Variants in MTCH1 observed in about 807,000 individuals in gnomAD.
The protein encoded by MTCH1 is mitochondrial carrier homolog 1.
MTCH1 carries 23 observed loss-of-function variants against 49.3 expected under a neutral mutation model. That is an observed-to-expected ratio of 0.47 (90% CI 0.34 to 0.66). The LOEUF is 0.66. Among genes scored for constraint, MTCH1 ranks in the 30% least tolerant of loss-of-function variants. The probability of loss-of-function intolerance (pLI) is 0.01; values close to 1 mark genes in which losing one functional copy is unlikely to be tolerated. For missense variants in MTCH1, 397 were observed against 532.1 expected (o/e 0.75, Z 2.50); for synonymous variants, 229 against 215.2 (o/e 1.06, Z -0.56).
At chr6:36,980,366 A>C (rs1461422680) in intron 2 of MTCH1, among the ~76,000 whole-genome samples, 2 of 152,234 alleles carry the variant, frequency 1.3e-5, no homozygotes, top group South Asian at 2.1e-4. Flanking sequence ...CCAGATCCAG[A>C]AAAAGCCCCG....
Position 36,972,682 on chromosome 6 carries a change from C to G in MTCH1, c.876G>C (p.Gly292=). Residue 292 remains glycine (G), a synonymous_variant, in exon 8 of 12, where the codon GGG becomes GGC. Coordinates refer to ENST00000373627, the MANE Select transcript of MTCH1 (RefSeq NM_001271641.2). The surrounding 1 kb of genome is among the most constrained non-coding windows in gnomAD (Gnocchi z 4.1). The stretch of plus-strand genomic sequence containing the variant: ...AACCTGGATTCTGGTCGTTTCCCAG[C>G]CCCCCTGGGGTGTCACTCACGCTGT... ...VDDSVSDTPG[G]LGNDQNPGSQ... is the part of the protein sequence containing the mutation. 1 of 1,550,972 alleles carries G rather than the reference C, an allele frequency of 6.4e-7. No individual in the cohort carries two copies. The highest frequency in any genetic ancestry group is 8.7e-7 in the Non-Finnish European group (1 of 1,146,462).
rs745972175 is a variant in MTCH1, at chr6:36,970,095, G to T, written c.1042C>A (p.Pro348Thr). Reference protein sequence around the residue: ...NNCGLQAGLPPYSPVFKSWIH... With the variant: ...NNCGLQAGLPTYSPVFKSWIH... ...CAGGATTTGAACACTGGGGAGTAAGGGGGGAGCCCAGCTTGCAGCCTGCCG... is the reference window on the plus strand; with the variant it reads ...CAGGATTTGAACACTGGGGAGTAAGTGGGGAGCCCAGCTTGCAGCCTGCCG... The change falls in exon 11 of 12, where the codon CCT becomes ACT. Residue 348 changes from proline to threonine, a missense_variant. Physicochemically the swap from Pro to Thr is conservative, Grantham distance 38 (BLOSUM62 -1). Transcript: ENST00000373627. 2 of 1,614,066 alleles carry T rather than the reference G, an allele frequency of 1.2e-6. No homozygotes were observed. The highest frequency in any genetic ancestry group is 1.7e-6 in the Non-Finnish European group (2 of 1,179,938).
chr6:36,975,765 A>G, intron 6 of MTCH1, 48 bp from the exon 7 acceptor site: 2 of 1,577,712 alleles, frequency 1.3e-6, no homozygotes, highest in Non-Finnish European at 1.7e-6. Context: ...GTCACCTACC[A>G]GAAGCCCACC....
upstream of MTCH1, chr6:36,986,269 C>T: frequency 1.8e-6 from 2 of 1,142,796 alleles, no homozygotes; most frequent in South Asian, 2.3e-5. Flanking sequence ...CTCCAGGCCG[C>T]GGGGGAGCTC....
At chr6:36,973,029 T>C (rs831506) in intron 7 of MTCH1, among the ~76,000 whole-genome samples, 65,187 of 151,990 alleles carry the variant, frequency 0.43, 17,079 homozygotes, top group African/African-American at 0.73. Context: ...AATTAGCTAA[T>C]AGTCTCAAGC....
Position 36,972,773 on chromosome 6 carries a change from C to G in MTCH1, c.785G>C (p.Gly262Ala). The change falls in exon 8 of 12, where the codon GGC (glycine) becomes GCC (alanine). Residue 262 changes from glycine (G) to alanine (A), a missense_variant. By Grantham distance (60) the Gly-to-Ala change is moderately conservative. Around this residue, in one of 2 missense-constraint regions of MTCH1, gnomAD observed 252 missense variants for 388.3 expected, o/e 0.65. Transcript: ENST00000373627. The surrounding 1 kb of genome is among the most constrained non-coding windows in gnomAD (Gnocchi z 4.1). ...FFVGLIPHLLGDVVFLWGCNL... is the reference protein window; with the variant it reads ...FFVGLIPHLLADVVFLWGCNL... ...ACAGCCCCACAAGAAAACCACATCGCCCAGGAGGTGAGGGATTAATCCACT... is the reference window on the plus strand; with the variant it reads ...ACAGCCCCACAAGAAAACCACATCGGCCAGGAGGTGAGGGATTAATCCACT... 6.4e-7 allele frequency: 1 copy of G among 1,552,546 alleles called. No homozygotes were observed. Among genetic ancestry groups the G allele is most frequent in the African/African-American group, 1.4e-5 (1 of 73,212 alleles).
At position 36,976,634 on chromosome 6, in the gene MTCH1, TAA is replaced by T. The variant is rs1247753347; in HGVS notation, c.701+563_701+564del. ...CACCGACCCCAGGAAATGAGAATCT[TAA>T]GAGAGGAAGGGCAACCCAGGTGTGT... On this transcript the variant is annotated intron_variant, in intron 6 of 11. Coordinates refer to ENST00000373627, the MANE Select transcript of MTCH1 (RefSeq NM_001271641.2). 5 of 468,928 alleles carry T rather than the reference TAA, an allele frequency of 1.1e-5. No individual in the cohort carries two copies. The East Asian group carries it at 2.8e-4, about 26-fold the overall frequency. The allele number at this position is 468,928 out of a possible 1,614,324, so 29.0% of individuals were successfully genotyped here.
intron 11 of MTCH1, chr6:36,969,580 C>A (rs903876091): frequency 8.6e-7 from 1 of 1,165,846 alleles, no homozygotes; most frequent in African/African-American, 1.6e-5. Flanking sequence ...GGCCCAGCCC[C>A]ACCCACAGGC....
intron 1 of MTCH1, among the ~76,000 whole-genome samples, chr6:36,983,507 C>G (rs1418490423): frequency 2.0e-5 from 3 of 152,186 alleles, no homozygotes; most frequent in African/African-American, 7.2e-5. Context: ...TTCTTAACTT[C>G]TATTGGGTTA....
chr6:36,976,315 G>A (rs1377222478), intron 6 of MTCH1, among the ~76,000 whole-genome samples: 1 of 152,154 alleles, frequency 6.6e-6, no homozygotes, highest in Non-Finnish European at 1.5e-5. Flanking sequence ...TGAGAGGACA[G>A]GCTGTGGGTT....
chr6:36,970,538 G>A (rs767412695), intron 9 of MTCH1, 65 bp from the exon 10 acceptor site: 9 of 1,606,576 alleles, frequency 5.6e-6, no homozygotes, highest in Middle Eastern at 1.7e-4. Context: ...GACACACCAC[G>A]CCAACACCCT....
At position 36,975,686 on chromosome 6, in the gene MTCH1, T is replaced by A; in HGVS notation, c.733A>T (p.Lys245Ter). Residue 245 changes from lysine to a stop codon, truncating the protein, a stop_gained, in exon 7 of 12, where the codon AAA (lysine) becomes TAA (stop). Coordinates refer to ENST00000373627, the MANE Select transcript of MTCH1 (RefSeq NM_001271641.2). LOFTEE classifies it high-confidence loss of function. ...AAGAATCCCAGCAGCCCTTCCTCTT[T>A]GAAAATCTTCCCAATGGAGCTCAGC... ...GVLSSIGKIF[K>*]EEGLLGFFVG... 6.2e-7 allele frequency: 1 copy of A among 1,613,998 alleles called. No homozygotes were observed. Among genetic ancestry groups the A allele is most frequent in the South Asian group, 1.1e-5 (1 of 91,082 alleles).
At chr6:36,969,609 G>A in intron 11 of MTCH1, 2 of 1,186,742 alleles carry the variant, frequency 1.7e-6, no homozygotes, top group African/African-American at 1.6e-5. Flanking sequence ...GCCCAGGAAT[G>A]TCCTGCAGGA....
In MTCH1 at chr6:36,969,207, A is replaced by T. The variant is rs56411243; in HGVS notation, c.1099-233T>A. On this transcript the variant is annotated intron_variant, in intron 11 of 11. Transcript: ENST00000373627. Reference sequence around the variant, plus strand: ...TGGGGCTACTCTGTAGGAGAGCCCTAGAGAGGAGGCTCATTGCCCCTCTTG... The same window carrying T: ...TGGGGCTACTCTGTAGGAGAGCCCTTGAGAGGAGGCTCATTGCCCCTCTTG... The T allele has an allele frequency of 6.2e-3, 6,149 of 985,450 alleles. 28 individuals carry two copies. The highest frequency in any genetic ancestry group is 0.013 in the Middle Eastern group (25 of 1,914). 61.0% of individuals were successfully genotyped at this position (985,450 alleles called of 1,614,324 possible). A position where few individuals can be genotyped will look rare whatever the true frequency, so the allele number is the denominator to read the frequency against.
upstream of MTCH1, chr6:36,986,336 G>T: frequency 3.3e-6 from 2 of 601,236 alleles, no homozygotes; most frequent in East Asian, 3.9e-5. Flanking sequence ...CCGGTTGGAG[G>T]CCTAGCAGGA....
At chr6:36,974,572 T>C (rs1028102228) in intron 7 of MTCH1, among the ~76,000 whole-genome samples, 2 of 152,110 alleles carry the variant, frequency 1.3e-5, no homozygotes, top group Non-Finnish European at 2.9e-5. Context: ...CTGTGTACTG[T>C]AGGATGTTTA....
chr6:36,983,979 C>T (rs1033493367), intron 1 of MTCH1, among the ~76,000 whole-genome samples: 6 of 152,192 alleles, frequency 3.9e-5, no homozygotes, highest in Non-Finnish European at 7.3e-5. Flanking sequence ...TCTTCTCACG[C>T]TTTGGTGTCC....
Position 36,975,678 on chromosome 6 carries a change from T to C in MTCH1, c.741A>G (p.Glu247=). 6.2e-7 allele frequency: 1 copy of C among 1,614,032 alleles called. No individual in the cohort carries two copies. Among genetic ancestry groups the C allele is most frequent in the Non-Finnish European group, 8.5e-7 (1 of 1,179,942 alleles). The part of the protein sequence containing the change: ...LSSIGKIFKE[E]GLLGFFVGLI... Reference sequence around the variant, plus strand: ...CGTACACGAAGAATCCCAGCAGCCCTTCCTCTTTGAAAATCTTCCCAATGG... The same window carrying C: ...CGTACACGAAGAATCCCAGCAGCCCCTCCTCTTTGAAAATCTTCCCAATGG... Residue 247 remains glutamate, a synonymous_variant, in exon 7 of 12, where the codon GAA becomes GAG. Transcript: ENST00000373627.
intron 7 of MTCH1, among the ~76,000 whole-genome samples, chr6:36,973,921 C>T (rs930211548): frequency 7.9e-5 from 12 of 152,348 alleles, no homozygotes; most frequent in East Asian, 1.9e-4. Context: ...ATCCAACTTA[C>T]TTCACCTCTA....
Sources: gnomAD v4.1 joint callset for allele counts (sites outside exome capture counted in the v4.1 genomes callset) on GRCh38, gnomAD v4.1.1 for gene constraint, gnomAD v4.1.1 regional missense constraint, Gnocchi (gnomAD v3.1) non-coding constraint, MANE v1.5 for transcripts, NCBI Gene and HGNC (gene_info 2026-07-23, HGNC 2026-07-21) for gene names.